SLC39A12: variants seen among roughly 807,000 people sequenced by gnomAD.
SLC39A12 encodes the protein zinc transporter ZIP12.
Under a neutral mutation model 71.1 loss-of-function variants are expected in SLC39A12, and 63 were observed. That is an observed-to-expected ratio of 0.89 (90% CI 0.72 to 1.09). The LOEUF (loss-of-function observed/expected upper bound fraction) is 1.09. Among genes scored for constraint, SLC39A12 ranks in the 50% least tolerant of loss-of-function variants. The pLI, the probability that SLC39A12 is intolerant of heterozygous loss-of-function variation, is 0.00. For synonymous variants in SLC39A12, 351 were observed against 301.3 expected (o/e 1.16, Z -1.71); for missense variants, 892 against 812.6 (o/e 1.10, Z -1.19).
In SLC39A12 at chr10:17,987,615, ACTGT is replaced by A; in HGVS notation, c.1237_1240del (p.Ser413GlyfsTer35). 2 of 1,614,146 alleles carry A rather than the reference ACTGT, an allele frequency of 1.2e-6. No homozygotes were observed. The highest frequency in any genetic ancestry group is 8.5e-7 in the Non-Finnish European group (1 of 1,180,032). On this transcript the variant is annotated frameshift_variant, in exon 7 of 13. Coordinates refer to ENST00000377369, the MANE Select transcript of SLC39A12 (RefSeq NM_001145195.2). LOFTEE classifies it high-confidence loss of function. ...TGTTTGTGGGCTTGGCCGTCGGGACACTGTCTGGGGACGCTCTGCTCCACCTTAT... is the reference window on the plus strand; with the variant it reads ...TGTTTGTGGGCTTGGCCGTCGGGACACTGGGGACGCTCTGCTCCACCTTAT...
At chr10:17,991,703 C>T (rs925017250) in intron 8 of SLC39A12, among the ~76,000 whole-genome samples, 2 of 152,160 alleles carry the variant, frequency 1.3e-5, no homozygotes, top group African/African-American at 4.8e-5. Flanking sequence ...TTTAAAATTA[C>T]AAAAACAAGC....
intron 12 of SLC39A12, chr10:18,010,514 G>T (rs1836182860): frequency 6.6e-6 from 1 of 152,164 alleles, no homozygotes; most frequent in Non-Finnish European, 1.5e-5. Flanking sequence ...AGCAAGAAGG[G>T]TGAATCATTC....
rs578221327 is a variant in SLC39A12, at chr10:18,000,977, C to G, written c.1759+152C>G. ...TATTTAAACCATAAGAAGAGGAGGACTAGAAAAATAACTCCTGTACCTTGG... is the reference window on the plus strand; with the variant it reads ...TATTTAAACCATAAGAAGAGGAGGAGTAGAAAAATAACTCCTGTACCTTGG... On this transcript the variant is annotated intron_variant, in intron 11 of 12. Coordinates refer to ENST00000377369, the MANE Select transcript of SLC39A12 (RefSeq NM_001145195.2). 27 of 805,406 alleles carry G rather than the reference C, an allele frequency of 3.4e-5. No homozygotes were observed. In the African/African-American group the frequency reaches 4.5e-4, roughly 13 times the overall value. The allele number at this position is 805,406 out of a possible 1,614,324, so 49.9% of individuals were successfully genotyped here. A position where few individuals can be genotyped will look rare whatever the true frequency, so the allele number is the denominator to read the frequency against.
At chr10:18,034,181 G>T (rs1836931782) in intron 12 of SLC39A12, among the ~76,000 whole-genome samples, 1 of 152,050 alleles carries the variant, frequency 6.6e-6, no homozygotes, top group South Asian at 2.1e-4. Flanking sequence ...TTGGTGCAGA[G>T]CTGAGTTCAA....
chr10:18,014,471 A>T (rs1428398280), intron 12 of SLC39A12, among the ~76,000 whole-genome samples: 5 of 152,228 alleles, frequency 3.3e-5, no homozygotes, highest in East Asian at 1.9e-4. Context: ...TACATTAAAG[A>T]CACATTTACA....
chr10:17,970,495 C>A (rs1452887397), intron 4 of SLC39A12, among the ~76,000 whole-genome samples: 1 of 151,876 alleles, frequency 6.6e-6, no homozygotes, highest in East Asian at 1.9e-4. Flanking sequence ...TTGTAGAAAT[C>A]TTTCATTTCT....
chr10:18,041,579 C>T lies in SLC39A12; in HGVS notation c.1948-1126C>T, dbSNP rs1320752483. ...ACACGCACACATACACACACACATA[C>T]ATACACACACCATATATATGTGTAT... On this transcript the variant is annotated intron_variant, in intron 12 of 12. Transcript: ENST00000377369. Among the ~76,000 whole-genome samples, 26 of 135,670 alleles carry T rather than the reference C, an allele frequency of 1.9e-4. 1 individual carries two copies. The highest frequency in any genetic ancestry group is 6.2e-4 in the African/African-American group (22 of 35,762). 89.0% of individuals were successfully genotyped at this position (135,670 alleles called of 152,430 possible).
intron 6 of SLC39A12, 65 bp downstream of exon 6, chr10:17,981,548 C>A: frequency 7.6e-7 from 1 of 1,322,444 alleles, no homozygotes; most frequent in Non-Finnish European, 1.0e-6. Context: ...ATAGTAAATG[C>A]AGGATACTTA....
intron 10 of SLC39A12, 127 bp from the exon 11 acceptor site, chr10:18,000,540 G>T: frequency 2.3e-6 from 2 of 866,384 alleles, no homozygotes; most frequent in South Asian, 1.7e-5. Flanking sequence ...GAAACAAAGT[G>T]ATGTTATTTA....
At chr10:17,991,343 T>C (rs535994414) in intron 8 of SLC39A12, 40 bp downstream of exon 8, 3 of 1,472,628 alleles carry the variant, frequency 2.0e-6, no homozygotes, top group Middle Eastern at 2.5e-4. Flanking sequence ...CTTTAAAGTC[T>C]TATAATACAT....
chr10:18,036,782 A>ATTTTTTTT (rs1564665979), intron 12 of SLC39A12, among the ~76,000 whole-genome samples: 6 of 7,266 alleles, frequency 8.3e-4, no homozygotes, highest in African/African-American at 3.1e-3. Context: ...ATATATATAT[A>ATTTTTTTT]TATATATATA....
At chr10:18,015,811 G>A (rs1191690955) in intron 12 of SLC39A12, among the ~76,000 whole-genome samples, 2 of 151,670 alleles carry the variant, frequency 1.3e-5, no homozygotes, top group East Asian at 3.9e-4. Flanking sequence ...CCAAATGGTG[G>A]CCAGTAGTCA....
rs58262664 is a variant in SLC39A12, at chr10:17,991,125, CTT to C, written c.1270-11_1270-10del. On this transcript the variant is annotated intron_variant, in intron 7 of 12. Coordinates refer to ENST00000377369, the MANE Select transcript of SLC39A12 (RefSeq NM_001145195.2). ...GACTTATCTCCATCTTTCTCTCTGC[CTT>C]TTTTTTTTTTTTTTCCCCTGAAGGT... is the stretch of plus-strand genomic sequence containing the variant. 1.5e-3 allele frequency: 2,087 copies of C among 1,351,336 alleles called. No individual in the cohort carries two copies. The highest frequency in any genetic ancestry group is 6.4e-3 in the South Asian group (379 of 59,484). 83.7% of individuals were successfully genotyped at this position (1,351,336 alleles called of 1,614,324 possible). A position where few individuals can be genotyped will look rare whatever the true frequency, so the allele number is the denominator to read the frequency against.
rs1834461012 is a variant in SLC39A12, at chr10:17,953,507, G to T, written c.231G>T (p.Arg77Ser). Residue 77 changes from arginine (R) to serine (S), a missense_variant, in exon 2 of 13, where the codon AGG becomes AGT. Physicochemically the swap from Arg to Ser is moderately radical, Grantham distance 110 (BLOSUM62 -1). Coordinates refer to ENST00000377369, the MANE Select transcript of SLC39A12 (RefSeq NM_001145195.2). ...TLLEKTGCPR[R>S]RNGMQGDCNL... ...TGGAGAAAACTGGGTGCCCACGGAG[G>T]AGAAACGGAATGCAAGGAGATTGCA... 1 of 1,614,078 alleles carries T rather than the reference G, an allele frequency of 6.2e-7. No individual in the cohort carries two copies. Among genetic ancestry groups the T allele is most frequent in the Non-Finnish European group, 8.5e-7 (1 of 1,180,048 alleles).
At chr10:18,030,902 G>GT (rs1296653469) in intron 12 of SLC39A12, among the ~76,000 whole-genome samples, 6 of 148,918 alleles carry the variant, frequency 4.0e-5, no homozygotes, top group African/African-American at 1.5e-4. Context: ...GCGGTGTTTG[G>GT]TTTTTTGTTC....
At chr10:17,991,667 A>G (rs1337990296) in intron 8 of SLC39A12, among the ~76,000 whole-genome samples, 2 of 149,232 alleles carry the variant, frequency 1.3e-5, no homozygotes, top group Non-Finnish European at 3.0e-5. Context: ...TCACAAAATC[A>G]CATGTAATTT....
Position 17,987,501 on chromosome 10 carries a change from T to C in SLC39A12, c.1119T>C (p.Ala373=), listed in dbSNP as rs773710553. The change falls in exon 7 of 13, where the codon GCT becomes GCC. Residue 373 remains alanine, a synonymous_variant. Transcript: ENST00000377369. ...TAGAATACGGCTACAGCACGGTGGC[T>C]GTCACCCTTCTCACACTGGGCTCCA... is the stretch of plus-strand genomic sequence containing the variant. The part of the protein sequence containing the change: ...TLEKYGYSTV[A]VTLLTLGSML... 1.9e-6 allele frequency: 3 copies of C among 1,614,084 alleles called. 1 individual carries two copies. In the South Asian group the frequency reaches 3.3e-5, roughly 18 times the overall value.
At chr10:17,962,202 G>A (rs1372607478) in intron 3 of SLC39A12, among the ~76,000 whole-genome samples, 1 of 152,220 alleles carries the variant, frequency 6.6e-6, no homozygotes, top group East Asian at 1.9e-4. Flanking sequence ...TGTAGTGGTG[G>A]AGAGCAATGT....
intron 5 of SLC39A12, among the ~76,000 whole-genome samples, chr10:17,979,635 A>C (rs138984718): frequency 1.5e-4 from 23 of 152,304 alleles, no homozygotes; most frequent in East Asian, 1.2e-3. Flanking sequence ...GGAAAAAAAA[A>C]CACAAGTTTA....
Sources: gnomAD v4.1 joint callset for allele counts (sites outside exome capture counted in the v4.1 genomes callset) on GRCh38, gnomAD v4.1.1 for gene constraint, MANE v1.5 for transcripts, NCBI Gene and HGNC (gene_info 2026-07-23, HGNC 2026-07-21) for gene names.